ITIH5: variants seen among roughly 807,000 people sequenced by gnomAD.
ITIH5 encodes inter-alpha-trypsin inhibitor heavy chain 5, also known as inter-alpha-trypsin inhibitor heavy chain H5.
In ITIH5, 65 loss-of-function variants were observed where a neutral mutation model predicts 77.5. That is an observed-to-expected ratio of 0.84 (90% confidence interval 0.69 to 1.03). The LOEUF (loss-of-function observed/expected upper bound fraction) is 1.03. Ranked by LOEUF, ITIH5 falls within the 50% of genes least tolerant of loss-of-function variation. ITIH5 has a pLI of 0.00. For missense variants in ITIH5, 1,208 were observed against 1,213.1 expected, an observed-to-expected ratio of 1.00 and a Z score of 0.06; for synonymous variants, 525 against 494.3, an observed-to-expected ratio of 1.06 and a Z score of -0.82.
chr10:7,572,267 C>G (rs2130948915), intron 11 of ITIH5: 2 of 1,345,446 alleles, frequency 1.5e-6, no homozygotes, highest in Non-Finnish European at 2.0e-6. Context: ...AGAGGATGAT[C>G]TGGACACAGC....
chr10:7,662,372 GAGAC>G (rs1834291062), intron 1 of ITIH5, among the ~76,000 whole-genome samples: 3 of 151,866 alleles, frequency 2.0e-5, no homozygotes, highest in Non-Finnish European at 2.9e-5. Flanking sequence ...AAAAGAGAGA[GAGAC>G]AGACAGAGAA....
intron 1 of ITIH5, among the ~76,000 whole-genome samples, chr10:7,656,863 C>A (rs969315257): frequency 6.6e-6 from 1 of 150,824 alleles, no homozygotes; most frequent in African/African-American, 2.4e-5. Context: ...CCTGCCTCAG[C>A]CTCTGGAGTA....
At chr10:7,579,684 C>A in intron 9 of ITIH5, 71 bp downstream of exon 9, 1 of 1,491,244 alleles carries the variant, frequency 6.7e-7, no homozygotes, top group Non-Finnish European at 9.2e-7. Context: ...ACACTCCTCT[C>A]TGAATTCCCA....
At chr10:7,644,696 A>G (rs577909678) in intron 2 of ITIH5, among the ~76,000 whole-genome samples, 59 of 127,158 alleles carry the variant, frequency 4.6e-4, no homozygotes, top group African/African-American at 1.9e-3. Context: ...TATATATCAC[A>G]TATCTATATC....
At chr10:7,602,027 C>G (rs775036948) in intron 7 of ITIH5, among the ~76,000 whole-genome samples, 1 of 151,940 alleles carries the variant, frequency 6.6e-6, no homozygotes, top group Non-Finnish European at 1.5e-5. Context: ...TAATTTTTTA[C>G]GTTTTTAGTA....
At chr10:7,622,385 ATTG>A (rs1833487743) in intron 5 of ITIH5, 1 of 152,226 alleles carries the variant, frequency 6.6e-6, no homozygotes, top group Admixed American at 6.5e-5. Context: ...TCACAGAATC[ATTG>A]TTGAGATGTA....
At chr10:7,647,810 G>A (rs530109996) in intron 2 of ITIH5, among the ~76,000 whole-genome samples, 42 of 152,222 alleles carry the variant, frequency 2.8e-4, no homozygotes, top group African/African-American at 9.9e-4. Context: ...AAGAAAAAGA[G>A]CTTCTTAAAT....
intron 7 of ITIH5, among the ~76,000 whole-genome samples, chr10:7,594,605 C>G (rs1204152396): frequency 6.8e-6 from 1 of 146,058 alleles, no homozygotes; most frequent in Non-Finnish European, 1.5e-5. Context: ...GGGTACAGGC[C>G]TGATTCGCGA....
At chr10:7,638,225 A>T (rs188199713) in intron 4 of ITIH5, among the ~76,000 whole-genome samples, 1 of 152,364 alleles carries the variant, frequency 6.6e-6, no homozygotes, top group East Asian at 1.9e-4. Context: ...AGGACACCAC[A>T]AGATGGAAGG....
At chr10:7,635,860 C>G (rs1833790532) in intron 5 of ITIH5, among the ~76,000 whole-genome samples, 1 of 152,106 alleles carries the variant, frequency 6.6e-6, no homozygotes, top group African/African-American at 2.4e-5. Flanking sequence ...CCCTAAATAC[C>G]CTGGTCCAAG....
intron 8 of ITIH5, among the ~76,000 whole-genome samples, chr10:7,584,001 A>T (rs1449289509): frequency 6.6e-6 from 1 of 152,214 alleles, no homozygotes; most frequent in East Asian, 1.9e-4. Flanking sequence ...GACCATTCTA[A>T]CCACTTGAAA....
Position 7,562,955 on chromosome 10 carries a change from C to G in ITIH5, c.*128G>C, listed in dbSNP as rs1482146690. 9.3e-6 allele frequency: 7 copies of G among 751,610 alleles called. No individual in the cohort carries two copies. The East Asian group carries it at 1.9e-4, about 20-fold the overall frequency. 46.6% of individuals were successfully genotyped at this position (751,610 alleles called of 1,614,324 possible). A position where few individuals can be genotyped will look rare whatever the true frequency, so the allele number is the denominator to read the frequency against. Reference sequence around the variant, plus strand: ...AGACAGACGTCGGATCTATGCTGCACCAGGGGTGGGTCATGGAGTCCAGCT... The same window carrying G: ...AGACAGACGTCGGATCTATGCTGCAGCAGGGGTGGGTCATGGAGTCCAGCT... On this transcript the variant is annotated 3_prime_UTR_variant, in exon 14 of 14. Transcript: ENST00000397146.
intron 2 of ITIH5, among the ~76,000 whole-genome samples, chr10:7,648,253 A>AAG (rs2131095724): frequency 6.7e-6 from 1 of 149,112 alleles, no homozygotes; most frequent in South Asian, 2.2e-4. Context: ...CAAAAAAAAA[A>AAG]AAAAGAACAC....
chr10:7,634,088 CAAAAAAAAAAA>C (rs752092484), intron 5 of ITIH5, among the ~76,000 whole-genome samples: 3 of 60,038 alleles, frequency 5.0e-5, no homozygotes, highest in African/African-American at 1.4e-4. Context: ...GACTCCGTCT[CAAAAAAAAAAA>C]AAAAAAAAAA....
In ITIH5 at chr10:7,574,522, A is replaced by G. The variant is rs190130182; in HGVS notation, c.1979-1327T>C. 5.2e-4 allele frequency among the ~76,000 whole-genome samples: 79 copies of G among 152,272 alleles called. No individual in the cohort carries two copies. In the East Asian group the frequency reaches 0.014, roughly 27 times the overall value. On this transcript the variant is annotated intron_variant, in intron 10 of 13. Coordinates refer to ENST00000397146, the MANE Select transcript of ITIH5 (RefSeq NM_030569.7). ...AAAAAACAAAAAACCGGCCGGGCGC[A>G]GTGGCTCATGCCTGTAATCCCAGCA...
chr10:7,589,035 T>C (rs1448965374), intron 7 of ITIH5, among the ~76,000 whole-genome samples: 1 of 152,260 alleles, frequency 6.6e-6, no homozygotes, highest in Non-Finnish European at 1.5e-5. Flanking sequence ...TGTCACCCTT[T>C]TAACGTGCAG....
At chr10:7,604,881 G>A (rs909572635) in intron 7 of ITIH5, among the ~76,000 whole-genome samples, 1 of 152,040 alleles carries the variant, frequency 6.6e-6, no homozygotes, top group Non-Finnish European at 1.5e-5. Context: ...GAGTGCAGTG[G>A]TGTGATCATG....
chr10:7,596,901 G>A (rs1318629394), intron 7 of ITIH5, among the ~76,000 whole-genome samples: 1 of 151,680 alleles, frequency 6.6e-6, no homozygotes, highest in East Asian at 1.9e-4. Context: ...TACAAAATTA[G>A]CCAGGCATGA....
chr10:7,655,230 T>C (rs1317688119), intron 2 of ITIH5, among the ~76,000 whole-genome samples: 2 of 152,202 alleles, frequency 1.3e-5, no homozygotes, highest in Non-Finnish European at 2.9e-5. Flanking sequence ...TCCAGCAGCA[T>C]TGAGAGCCTA....
Sources: gnomAD v4.1 joint callset for allele counts (sites outside exome capture counted in the v4.1 genomes callset) on GRCh38, gnomAD v4.1.1 for gene constraint, MANE v1.5 for transcripts, NCBI Gene and HGNC (gene_info 2026-07-23, HGNC 2026-07-21) for gene names.